ZNF654: variants seen among roughly 807,000 people sequenced by gnomAD.
ZNF654 encodes zinc finger protein 654.
Under a neutral mutation model 95.3 loss-of-function variants are expected in ZNF654, and 19 were observed. The ratio of observed to expected loss-of-function variants is 0.20; its 90% CI spans 0.14 to 0.29. ZNF654 has a LOEUF of 0.29. Ranked by LOEUF, ZNF654 falls within the 10% of genes least tolerant of loss-of-function variation. The pLI is 1.00. For synonymous variants in ZNF654, 413 were observed against 457.9 expected, an observed-to-expected ratio of 0.90 and a Z score of 1.25; for missense variants, 1,046 against 1,341.0, an observed-to-expected ratio of 0.78 and a Z score of 3.44.
At chr3:88,060,230 A>G (rs1434797095) in intron 1 of ZNF654, among the ~76,000 whole-genome samples, 9 of 152,030 alleles carry the variant, frequency 5.9e-5, no homozygotes, top group Non-Finnish European at 8.8e-5. Context: ...AACCCCCCTC[A>G]TCCTTCAATA....
intron 4 of ZNF654, among the ~76,000 whole-genome samples, chr3:88,128,516 A>T (rs1167836993): frequency 4.6e-5 from 7 of 152,100 alleles, no homozygotes; most frequent in Non-Finnish European, 8.8e-5. Context: ...ATTTTAACAT[A>T]TTAATGAACT....
intron 2 of ZNF654, among the ~76,000 whole-genome samples, chr3:88,108,704 T>G (rs1704897461): frequency 6.6e-6 from 1 of 152,146 alleles, no homozygotes; most frequent in Admixed American, 6.5e-5. Flanking sequence ...AGTGCTTGTG[T>G]TCAGGTAACC....
intron 2 of ZNF654, among the ~76,000 whole-genome samples, chr3:88,086,722 G>C (rs1194029234): frequency 1.3e-5 from 2 of 152,146 alleles, no homozygotes; most frequent in Admixed American, 1.3e-4. Flanking sequence ...GGCTATGATA[G>C]TTACCAGAGA....
intron 3 of ZNF654, 138 bp downstream of exon 3, chr3:88,113,334 A>G (rs1266966513): frequency 6.2e-6 from 3 of 483,464 alleles, no homozygotes; most frequent in African/African-American, 2.0e-5. Flanking sequence ...AGATCCTATT[A>G]TTACTGGCTG....
chr3:88,081,864 C>T (rs1430678369), intron 1 of ZNF654, among the ~76,000 whole-genome samples: 1 of 152,146 alleles, frequency 6.6e-6, no homozygotes, highest in Non-Finnish European at 1.5e-5. Context: ...AGAGTCATTG[C>T]TTCTAGGATC....
chr3:88,079,482 G>A (rs1707973981), intron 1 of ZNF654, among the ~76,000 whole-genome samples: 1 of 151,952 alleles, frequency 6.6e-6, no homozygotes, highest in South Asian at 2.1e-4. Context: ...ACTGATAGAT[G>A]GATGTCACAT....
chr3:88,061,444 T>C (rs555271541), intron 1 of ZNF654, among the ~76,000 whole-genome samples: 1 of 152,346 alleles, frequency 6.6e-6, no homozygotes, highest in East Asian at 1.9e-4. Flanking sequence ...TGCTAAATTA[T>C]GTTAGACTGA....
At chr3:88,073,036 G>C (rs1308769759) in intron 1 of ZNF654, among the ~76,000 whole-genome samples, 3 of 152,178 alleles carry the variant, frequency 2.0e-5, no homozygotes, top group African/African-American at 7.2e-5. Flanking sequence ...ATTTTAAGTA[G>C]AGGAGATAAC....
intron 2 of ZNF654, among the ~76,000 whole-genome samples, chr3:88,093,874 A>G (rs1399056300): frequency 6.6e-6 from 1 of 152,186 alleles, no homozygotes; most frequent in Admixed American, 6.5e-5. Flanking sequence ...GCTGGGCCCC[A>G]CAAAAGGTGT....
chr3:88,139,619 C>G lies in ZNF654; in HGVS notation c.1950C>G (p.Asn650Lys). Residue 650 changes from asparagine (N) to lysine (K), a missense_variant, in exon 8 of 9, where the codon AAC becomes AAG. Physicochemically the swap from Asn to Lys is moderately conservative, Grantham distance 94. Coordinates refer to ENST00000636215, the MANE Select transcript of ZNF654 (RefSeq NM_001350134.2). ...CACTTACTGCTTCTAGTGAAGGAAA[C>G]AAAGAAGTCATCCCTGAGCATGTGG... Reference protein sequence around the residue: ...VETLTASSEGNKEVIPEHVAE... With the variant: ...VETLTASSEGKKEVIPEHVAE... 6.2e-7 allele frequency: 1 copy of G among 1,613,614 alleles called. No individual in the cohort carries two copies. Among genetic ancestry groups the G allele is most frequent in the African/African-American group, 1.3e-5 (1 of 75,016 alleles).
rs761987864 is a variant in ZNF654 at position 88,140,776 on chromosome 3, A to G, written c.3107A>G (p.His1036Arg). The G allele has an allele frequency of 1.2e-6, 2 of 1,613,638 alleles. No individual in the cohort carries two copies. The highest frequency in any genetic ancestry group is 1.1e-5 in the South Asian group (1 of 91,078). The change falls in exon 8 of 9, where the codon CAT (histidine) becomes CGT (arginine). Residue 1036 changes from histidine (H) to arginine (R), a missense_variant. Physicochemically the swap from His to Arg is conservative, Grantham distance 29. Coordinates refer to ENST00000636215, the MANE Select transcript of ZNF654 (RefSeq NM_001350134.2). The part of the protein sequence containing the change: ...APSKPNLTSE[H>R]TSYGLILTKP... ...TCCAAACCAAATCTGACAAGTGAAC[A>G]TACTTCATATGGCTTAATTTTAACA...
intron 2 of ZNF654, among the ~76,000 whole-genome samples, chr3:88,099,417 A>G (rs1462827454): frequency 6.6e-6 from 1 of 152,228 alleles, no homozygotes; most frequent in Non-Finnish European, 1.5e-5. Context: ...TAATTTATAG[A>G]TTCAATGCCA....
At chr3:88,092,507 GAA>G (rs1703804279) in intron 2 of ZNF654, among the ~76,000 whole-genome samples, 1 of 152,130 alleles carries the variant, frequency 6.6e-6, no homozygotes, top group South Asian at 2.1e-4. Context: ...TACTCTGAAG[GAA>G]TGACAGGAAT....
rs758197083 is a variant in ZNF654 at position 88,140,918 on chromosome 3, G to C, written c.3249G>C (p.Val1083=). ...ATGCCTGTTCTGATCAAGATAACGT[G>C]TATAAAAAATCAGTGAAAAGATTAA... ...RVDACSDQDN[V]YKKSVKRLRC... Residue 1083 remains valine (V), a synonymous_variant, in exon 8 of 9, where the codon GTG becomes GTC. Transcript: ENST00000636215. 5.6e-6 allele frequency: 9 copies of C among 1,613,532 alleles called. No homozygotes were observed. The Admixed American group carries it at 1.5e-4, about 27-fold the overall frequency.
intron 3 of ZNF654, among the ~76,000 whole-genome samples, chr3:88,116,559 T>TACACAC (rs140401038): frequency 0.022 from 3,262 of 146,632 alleles, 58 homozygotes; most frequent in Middle Eastern, 0.035. Context: ...CATACATATA[T>TACACAC]ATACACACAC....
intron 1 of ZNF654, among the ~76,000 whole-genome samples, chr3:88,080,467 A>T (rs1158417874): frequency 1.3e-5 from 2 of 152,080 alleles, no homozygotes; most frequent in Admixed American, 6.6e-5. Context: ...TCTTATTTAA[A>T]TTTTCAATAG....
At position 88,125,749 on chromosome 3, in the gene ZNF654, G is replaced by A. The variant is rs149704447; in HGVS notation, c.415-385G>A. ...CACCCCACGCCCCCTGCCCTACCAC[G>A]CTCTCTTTTTCTTATCAGGCTCTTG... On this transcript the variant is annotated intron_variant, in intron 3 of 8. Transcript: ENST00000636215. Among the ~76,000 whole-genome samples, 48 of 152,204 alleles carry A rather than the reference G, an allele frequency of 3.2e-4. No individual in the cohort carries two copies. In the East Asian group the frequency reaches 8.7e-3, roughly 28 times the overall value.
At chr3:88,079,878 T>G (rs1164893533) in intron 1 of ZNF654, among the ~76,000 whole-genome samples, 2 of 152,084 alleles carry the variant, frequency 1.3e-5, no homozygotes, top group African/African-American at 4.8e-5. Flanking sequence ...TTAGGTTGCT[T>G]GCTACTGTAG....
Position 88,140,517 on chromosome 3 carries a change from G to C in ZNF654, c.2848G>C (p.Val950Leu), listed in dbSNP as rs766707695. 22 of 1,613,614 alleles carry C rather than the reference G, an allele frequency of 1.4e-5. No homozygotes were observed. The highest frequency in any genetic ancestry group is 1.9e-5 in the Non-Finnish European group (22 of 1,179,736). ...QNGNERSDDT[V>L]SNISLIDQKM... ...TGGAAACGAACGTTCTGATGACACT[G>C]TTTCAAATATAAGCTTGATAGACCA... The change falls in exon 8 of 9, where the codon GTT becomes CTT. Residue 950 changes from valine to leucine, a missense_variant. Physicochemically the swap from Val to Leu is conservative, Grantham distance 32. Coordinates refer to ENST00000636215, the MANE Select transcript of ZNF654 (RefSeq NM_001350134.2).
Sources: gnomAD v4.1 joint callset for allele counts (sites outside exome capture counted in the v4.1 genomes callset) on GRCh38, gnomAD v4.1.1 for gene constraint, MANE v1.5 for transcripts, NCBI Gene and HGNC (gene_info 2026-07-23, HGNC 2026-07-21) for gene names.